The following EFHC2 variants were observed in gnomAD, a reference collection of about 807,000 sequenced individuals.
The protein encoded by EFHC2 is EF-hand domain containing 2.
Under a neutral mutation model 52.7 loss-of-function variants are expected in EFHC2, and 18 were observed. That is an observed-to-expected ratio of 0.34 (90% CI 0.24 to 0.51). The LOEUF is 0.51. EFHC2 is among the 20% of genes least tolerant of loss of function. EFHC2 has a pLI of 0.97. For synonymous variants in EFHC2, 203 were observed against 204.1 expected (o/e 0.99, Z 0.04); for missense variants, 513 against 562.5 (o/e 0.91, Z 0.89).
intron 2 of EFHC2, among the ~76,000 whole-genome samples, chrX:44,291,186 A>T (rs2037790378): frequency 1.8e-5 from 2 of 111,670 alleles, no homozygotes; most frequent in African/African-American, 6.5e-5. Flanking sequence ...TGCTCAAGTT[A>T]TAATCTCACT....
chrX:44,230,062 A>G (rs1397868383), intron 10 of EFHC2, among the ~76,000 whole-genome samples: 1 of 111,522 alleles, frequency 9.0e-6, no homozygotes, highest in Non-Finnish European at 1.9e-5. Flanking sequence ...CTTCCATCTC[A>G]GCCTCCTCCC....
chrX:44,170,879 G>A (rs1291137917), intron 13 of EFHC2, among the ~76,000 whole-genome samples: 1 of 112,165 alleles, frequency 8.9e-6, no homozygotes, highest in Non-Finnish European at 1.9e-5. Context: ...CCACATTGTT[G>A]GAATCAGTGT....
intron 8 of EFHC2, among the ~76,000 whole-genome samples, chrX:44,239,119 A>C (rs2037341733): frequency 8.9e-6 from 1 of 111,845 alleles, no homozygotes; most frequent in African/African-American, 3.3e-5. Context: ...TATTTTTATT[A>C]ATGGGGAAAC....
chrX:44,263,116 T>C (rs1316486020), intron 3 of EFHC2, among the ~76,000 whole-genome samples: 1 of 112,252 alleles, frequency 8.9e-6, no homozygotes, highest in Non-Finnish European at 1.9e-5. Context: ...TCTCAATATC[T>C]GTAACTGACT....
At chrX:44,338,746 G>T (rs1272545783) in intron 1 of EFHC2, among the ~76,000 whole-genome samples, 1 of 103,364 alleles carries the variant, frequency 9.7e-6, no homozygotes, top group Non-Finnish European at 1.9e-5. Context: ...AAAAAAGCTG[G>T]TCATGATTCA....
intron 12 of EFHC2, among the ~76,000 whole-genome samples, chrX:44,178,075 G>A (rs184210011): frequency 1.5e-3 from 158 of 106,966 alleles, no homozygotes; most frequent in African/African-American, 5.0e-3. Flanking sequence ...AGGTTGCAGT[G>A]AGCCGAGGTT....
At chrX:44,333,300 G>C (rs2038098756) in intron 1 of EFHC2, among the ~76,000 whole-genome samples, 1 of 111,438 alleles carries the variant, frequency 9.0e-6, no homozygotes, top group Non-Finnish European at 1.9e-5. Context: ...CTTTAATGAG[G>C]AGGGGGGATT....
At chrX:44,198,280 A>G (rs1266675982) in intron 11 of EFHC2, among the ~76,000 whole-genome samples, 1 of 111,917 alleles carries the variant, frequency 8.9e-6, no homozygotes. Context: ...CTAAAATGCC[A>G]ATAATTTTTT....
intron 11 of EFHC2, chrX:44,225,827 CTAAG>C (rs1439294574): frequency 9.0e-6 from 1 of 111,593 alleles, no homozygotes; most frequent in East Asian, 2.8e-4. Flanking sequence ...CCTTACTTCC[CTAAG>C]TAAGAGCCAG....
At chrX:44,177,422 G>T (rs925329706) in intron 12 of EFHC2, among the ~76,000 whole-genome samples, 2 of 112,330 alleles carry the variant, frequency 1.8e-5, no homozygotes, top group Non-Finnish European at 3.8e-5. Flanking sequence ...GAAGTCACAA[G>T]GAAGAGAGAT....
chrX:44,201,538 A>C (rs2037006400), intron 11 of EFHC2, among the ~76,000 whole-genome samples: 1 of 111,995 alleles, frequency 8.9e-6, no homozygotes, highest in Non-Finnish European at 1.9e-5. Flanking sequence ...AGGACTAAAA[A>C]GGTTATAAAA....
chrX:44,277,877 CATGT>C (rs1355228775), intron 2 of EFHC2, among the ~76,000 whole-genome samples: 4 of 109,836 alleles, frequency 3.6e-5, no homozygotes, highest in Non-Finnish European at 5.7e-5. Flanking sequence ...AATTTATATA[CATGT>C]ATGTAATAAA....
intron 11 of EFHC2, among the ~76,000 whole-genome samples, chrX:44,208,877 T>C (rs1261513867): frequency 8.9e-6 from 1 of 111,789 alleles, no homozygotes; most frequent in East Asian, 2.8e-4. Context: ...GATTTAAGAA[T>C]AGACAAGCAA....
At chrX:44,206,388 G>A (rs1304280200) in intron 11 of EFHC2, among the ~76,000 whole-genome samples, 2 of 111,446 alleles carry the variant, frequency 1.8e-5, no homozygotes, top group Admixed American at 1.9e-4. Context: ...AGAAATAAAA[G>A]GCATCCAAAT....
intron 4 of EFHC2, among the ~76,000 whole-genome samples, chrX:44,253,786 G>A (rs1409111426): frequency 1.8e-5 from 2 of 112,198 alleles, no homozygotes; most frequent in Non-Finnish European, 3.8e-5. Flanking sequence ...AGGACAGATT[G>A]CCTCCTCAAG....
At position 44,250,204 on chromosome X, in the gene EFHC2, T is replaced by C; in HGVS notation, c.848A>G (p.Lys283Arg). ...ATATCCACTGCTCACCTTGGGTAGCTTACTCCTCCGGAGGAACATTTTTAG... is the reference window on the plus strand; with the variant it reads ...ATATCCACTGCTCACCTTGGGTAGCCTACTCCTCCGGAGGAACATTTTTAG... ...DALKMFLRRS[K>R]LPKNCPPRVY... The change falls in exon 5 of 15, where the codon AAG becomes AGG. Residue 283 changes from lysine (K) to arginine (R), a missense_variant. Physicochemically the swap from Lys to Arg is conservative, Grantham distance 26. Coordinates refer to ENST00000420999, the MANE Select transcript of EFHC2 (RefSeq NM_025184.4). 1 of 1,210,182 alleles carries C rather than the reference T, an allele frequency of 8.3e-7. No homozygotes were observed. The highest frequency in any genetic ancestry group is 1.1e-6 in the Non-Finnish European group (1 of 894,487).
intron 11 of EFHC2, among the ~76,000 whole-genome samples, chrX:44,189,988 C>A (rs990040992): frequency 1.8e-5 from 2 of 111,629 alleles, no homozygotes; most frequent in Non-Finnish European, 3.8e-5. Flanking sequence ...GAAACAGGTA[C>A]AACTAGGCCT....
chrX:44,160,920 TC>T (rs2036648398), intron 14 of EFHC2, among the ~76,000 whole-genome samples: 1 of 106,042 alleles, frequency 9.4e-6, no homozygotes, highest in African/African-American at 3.5e-5. Flanking sequence ...AGACTTCGTC[TC>T]AAAAAAAAAA....
chrX:44,314,594 A>ACT (rs777800721), intron 1 of EFHC2, among the ~76,000 whole-genome samples: 1 of 108,569 alleles, frequency 9.2e-6, no homozygotes, highest in African/African-American at 3.4e-5. Context: ...CATTCCCTCC[A>ACT]CTCTCTCTCT....
Sources: allele counts gnomAD v4.1 joint callset (sites outside exome capture counted in the v4.1 genomes callset), GRCh38; gene constraint gnomAD v4.1.1; transcripts MANE v1.5; gene names NCBI Gene and HGNC (gene_info 2026-07-23, HGNC 2026-07-21).